Variants in LDLRAD4 observed in about 807,000 individuals in gnomAD.
The protein encoded by LDLRAD4 is low density lipoprotein receptor class A domain containing 4.
Under a neutral mutation model 17.0 loss-of-function variants are expected in LDLRAD4, and 5 were observed. That is an observed-to-expected ratio of 0.29 (90% CI 0.15 to 0.62). The LOEUF is 0.62. LDLRAD4 is among the 20% of genes least tolerant of loss of function. LDLRAD4 has a pLI of 0.84. For synonymous variants in LDLRAD4, 168 were observed against 171.8 expected (o/e 0.98, Z 0.17); for missense variants, 340 against 424.7 (o/e 0.80, Z 1.75).
At chr18:13,357,456 G>C (rs1035949337) in intron 1 of LDLRAD4, among the ~76,000 whole-genome samples, 2 of 152,050 alleles carry the variant, frequency 1.3e-5, no homozygotes, top group Non-Finnish European at 2.9e-5. Flanking sequence ...CACTGGACCT[G>C]TTGGCTCTAG....
chr18:13,534,641 T>A (rs571983288), intron 3 of LDLRAD4, among the ~76,000 whole-genome samples: 55 of 152,356 alleles, frequency 3.6e-4, no homozygotes, highest in Non-Finnish European at 7.4e-5. Flanking sequence ...TACTCATGTT[T>A]GATATTTGCT....
intron 1 of LDLRAD4, among the ~76,000 whole-genome samples, chr18:13,293,593 A>G (rs2046093004): frequency 6.6e-6 from 1 of 152,230 alleles, no homozygotes; most frequent in African/African-American, 2.4e-5. Context: ...ACAGAAGGAG[A>G]GCAACAAGGA....
In LDLRAD4 at chr18:13,440,229, T is replaced by C. The variant is rs1036219884; in HGVS notation, c.181+1845T>C. Reference sequence around the variant, plus strand: ...GGCTCCTCCTTTACTTCAGGGCCCTTTTGCCGAGGGCTTCCTTGTTTTCAA... The same window carrying C: ...GGCTCCTCCTTTACTTCAGGGCCCTCTTGCCGAGGGCTTCCTTGTTTTCAA... On this transcript the variant is annotated intron_variant, in intron 3 of 5. Coordinates refer to ENST00000359446, the Ensembl canonical transcript of LDLRAD4. This position sits in a 1 kb window ranked among gnomAD's most constrained non-coding sequence, Gnocchi z 4.4. 2.0e-5 allele frequency among the ~76,000 whole-genome samples: 3 copies of C among 152,194 alleles called. No homozygotes were observed. The highest frequency in any genetic ancestry group is 7.2e-5 in the African/African-American group (3 of 41,450).
At chr18:13,305,203 T>A (rs1182485508) in intron 1 of LDLRAD4, among the ~76,000 whole-genome samples, 1 of 152,204 alleles carries the variant, frequency 6.6e-6, no homozygotes, top group Non-Finnish European at 1.5e-5. Flanking sequence ...TGCGTACCTG[T>A]TATAAAAAGT....
At chr18:13,467,960 A>G (rs1021891799) in intron 3 of LDLRAD4, among the ~76,000 whole-genome samples, 2 of 152,226 alleles carry the variant, frequency 1.3e-5, no homozygotes, top group African/African-American at 4.8e-5. Flanking sequence ...GTTGGACCCT[A>G]TCTCATATCA....
chr18:13,428,616 A>G (rs1171333219), intron 2 of LDLRAD4, among the ~76,000 whole-genome samples: 2 of 152,022 alleles, frequency 1.3e-5, no homozygotes, highest in Non-Finnish European at 2.9e-5. Flanking sequence ...GAGCTAGGAG[A>G]TCACCATGGG....
chr18:13,632,318 C>A (rs1377561951), intron 4 of LDLRAD4, among the ~76,000 whole-genome samples: 1 of 152,240 alleles, frequency 6.6e-6, no homozygotes, highest in Non-Finnish European at 1.5e-5. Flanking sequence ...CTGCCAAGGG[C>A]AAGCCAGGCA....
intron 1 of LDLRAD4, among the ~76,000 whole-genome samples, chr18:13,353,586 A>C (rs1361560898): frequency 6.6e-6 from 1 of 152,130 alleles, no homozygotes. Context: ...TCCTAGCCTG[A>C]GAGGCAAGCT....
intron 3 of LDLRAD4, chr18:13,613,411 G>A (rs185357088): frequency 6.6e-6 from 1 of 152,182 alleles, no homozygotes; most frequent in Non-Finnish European, 1.5e-5. Flanking sequence ...TAATAATGTG[G>A]AGGTGGAGGT....
chr18:13,638,931 G>C (rs985205357), intron 4 of LDLRAD4, among the ~76,000 whole-genome samples: 1 of 152,204 alleles, frequency 6.6e-6, no homozygotes, highest in African/African-American at 2.4e-5. Flanking sequence ...CTGCAAGGAA[G>C]TATTCCGTAC....
chr18:13,363,360 G>T (rs1040593276), intron 1 of LDLRAD4, among the ~76,000 whole-genome samples: 20 of 148,960 alleles, frequency 1.3e-4, no homozygotes, highest in Admixed American at 9.4e-4. Flanking sequence ...AAAAAAGAAT[G>T]GAGAAGGAGG....
chr18:13,512,861 T>G (rs755051137), intron 3 of LDLRAD4, among the ~76,000 whole-genome samples: 4 of 152,232 alleles, frequency 2.6e-5, no homozygotes, highest in South Asian at 4.1e-4. Flanking sequence ...AAAATAAATT[T>G]GGCAGTGGAG....
chr18:13,496,065 A>T (rs888457517), intron 3 of LDLRAD4, among the ~76,000 whole-genome samples: 25 of 152,144 alleles, frequency 1.6e-4, no homozygotes, highest in African/African-American at 6.0e-4. Context: ...TTGGCTGCGT[A>T]TAGAGGAACA....
chr18:13,609,526 T>C lies in LDLRAD4; in HGVS notation c.182-11591T>C, dbSNP rs963617369. ...CAGGAGCGCTCATTATGCGTGTGTGTGTGCGTGTGTGTGTGTGTGTGTGTG... is the reference window on the plus strand; with the variant it reads ...CAGGAGCGCTCATTATGCGTGTGTGCGTGCGTGTGTGTGTGTGTGTGTGTG... On this transcript the variant is annotated intron_variant, in intron 3 of 5. Coordinates refer to ENST00000359446, the Ensembl canonical transcript of LDLRAD4. Among the ~76,000 whole-genome samples the C allele has an allele frequency of 7.1e-5, 5 of 70,388 alleles. No individual in the cohort carries two copies. In the East Asian group the frequency reaches 1.2e-3, roughly 16 times the overall value. 46.2% of individuals were successfully genotyped at this position (70,388 alleles called of 152,430 possible). A position where few individuals can be genotyped will look rare whatever the true frequency, so the allele number is the denominator to read the frequency against.
chr18:13,242,022 G>T (rs2042682574), intron 1 of LDLRAD4: 1 of 152,274 alleles, frequency 6.6e-6, no homozygotes, highest in Non-Finnish European at 1.5e-5. Flanking sequence ...CAAGCACGGG[G>T]CTTCGTGGCC....
chr18:13,492,580 A>G (rs2093381527), intron 3 of LDLRAD4, among the ~76,000 whole-genome samples: 1 of 152,218 alleles, frequency 6.6e-6, no homozygotes, highest in African/African-American at 2.4e-5. Context: ...AGGATGGCCA[A>G]TGGGCATTGT....
intron 3 of LDLRAD4, among the ~76,000 whole-genome samples, chr18:13,529,877 G>A (rs2094101562): frequency 6.6e-6 from 1 of 152,126 alleles, no homozygotes; most frequent in Non-Finnish European, 1.5e-5. Flanking sequence ...CCACCGAGGT[G>A]GAAGAGGTTC....
At chr18:13,587,394 A>G (rs2094949825) in intron 3 of LDLRAD4, among the ~76,000 whole-genome samples, 1 of 152,228 alleles carries the variant, frequency 6.6e-6, no homozygotes, top group African/African-American at 2.4e-5. Flanking sequence ...AGGGAATCCC[A>G]GAAACACCCT....
chr18:13,544,047 T>A (rs1362871316), intron 3 of LDLRAD4, among the ~76,000 whole-genome samples: 1 of 152,254 alleles, frequency 6.6e-6, no homozygotes, highest in African/African-American at 2.4e-5. Flanking sequence ...GCACACAGGG[T>A]GAGGCACCGT....
Sources: allele counts gnomAD v4.1 joint callset (sites outside exome capture counted in the v4.1 genomes callset), GRCh38; gene constraint gnomAD v4.1.1; non-coding constraint Gnocchi (gnomAD v3.1); transcripts MANE v1.5; gene names NCBI Gene and HGNC (gene_info 2026-07-23, HGNC 2026-07-21).